Variants in DGKD observed in about 807,000 individuals in gnomAD.
The protein encoded by DGKD is DAG kinase delta.
Under a neutral mutation model 154.4 loss-of-function variants are expected in DGKD, and 68 were observed. The observed-to-expected ratio is 0.44, with a 90% CI of 0.36 to 0.54. DGKD has a LOEUF of 0.54. DGKD is among the 20% of genes least tolerant of loss of function. The pLI, the probability that DGKD is intolerant of heterozygous loss-of-function variation, is 0.00. For synonymous variants in DGKD, 693 were observed against 638.0 expected (o/e 1.09, Z -1.30); for missense variants, 1,343 against 1,593.6 (o/e 0.84, Z 2.68).
At position 233,464,146 on chromosome 2, in the gene DGKD, T is replaced by A. The variant is rs915791081; in HGVS notation, c.3187-18T>A. 3 of 1,612,938 alleles carry A rather than the reference T, an allele frequency of 1.9e-6. No individual in the cohort carries two copies. The highest frequency in any genetic ancestry group is 2.5e-6 in the Non-Finnish European group (3 of 1,179,984). On this transcript the variant is annotated intron_variant, in intron 26 of 29. Coordinates refer to ENST00000264057, the MANE Select transcript of DGKD (RefSeq NM_152879.3). ...TGCACACTCTCCATTTCTCTCTCCCTCCCTCCGCCTGGAGCAGCAGCTGGA... is the reference window on the plus strand; with the variant it reads ...TGCACACTCTCCATTTCTCTCTCCCACCCTCCGCCTGGAGCAGCAGCTGGA...
At chr2:233,397,114 C>G (rs1224828352) in intron 3 of DGKD, among the ~76,000 whole-genome samples, 1 of 72,442 alleles carries the variant, frequency 1.4e-5, no homozygotes, top group African/African-American at 4.4e-5. Flanking sequence ...GGGTGGCTGG[C>G]AGAGGCCAGA....
At chr2:233,467,001 C>A in intron 27 of DGKD, 85 bp from the exon 28 acceptor site, 2 of 1,088,736 alleles carry the variant, frequency 1.8e-6, no homozygotes, top group Non-Finnish European at 2.8e-6. Context: ...GCCCTGCCTG[C>A]CCTCCCAGCC....
At chr2:233,461,338 C>T (rs2063634613) in intron 24 of DGKD, among the ~76,000 whole-genome samples, 1 of 152,252 alleles carries the variant, frequency 6.6e-6, no homozygotes, top group South Asian at 2.1e-4. Context: ...GCCCGGCATG[C>T]CGTGTGCCCT....
rs139376597 is a variant in DGKD, at chr2:233,362,432, C to T, written c.156+7758C>T. Among the ~76,000 whole-genome samples the T allele has an allele frequency of 8.9e-4, 135 of 152,284 alleles. 4 individuals carry two copies. The highest frequency in any genetic ancestry group is 1.5e-5 in the Non-Finnish European group (1 of 68,034). On this transcript the variant is annotated intron_variant, in intron 1 of 29. Transcript: ENST00000264057. ...TTTGGATGCTGAGGTGGGCGGATCA[C>T]CTGAGGTTAGGAGTTCAAGACCAGC...
At chr2:233,394,734 C>G (rs1703896125) in intron 3 of DGKD, among the ~76,000 whole-genome samples, 2 of 85,992 alleles carry the variant, frequency 2.3e-5, no homozygotes, top group African/African-American at 8.7e-5. Context: ...TAGAGATAGG[C>G]TCTTGCTGTG....
At chr2:233,450,171 C>G (rs1236497846) in intron 16 of DGKD, 40 bp downstream of exon 16, 2 of 1,564,334 alleles carry the variant, frequency 1.3e-6, no homozygotes, top group African/African-American at 2.7e-5. Flanking sequence ...CCGTCGTGTG[C>G]TTGGTTTTGG....
intron 10 of DGKD, 145 bp downstream of exon 10, chr2:233,442,140 T>C (rs2062916560): frequency 1.2e-6 from 1 of 819,376 alleles, no homozygotes; most frequent in African/African-American, 1.7e-5. Flanking sequence ...TGCAGTTTGG[T>C]GGCCAGGGCA....
intron 6 of DGKD, 124 bp downstream of exon 6, chr2:233,436,048 G>A: frequency 1.8e-6 from 2 of 1,119,458 alleles, no homozygotes; most frequent in South Asian, 1.5e-5. Context: ...CTGGCATTGG[G>A]TGGCACAGTG....
chr2:233,442,818 A>T (rs1047991152), intron 10 of DGKD, among the ~76,000 whole-genome samples: 4 of 152,094 alleles, frequency 2.6e-5, no homozygotes, highest in Non-Finnish European at 5.9e-5. Flanking sequence ...GTTGGCCAGG[A>T]TGGTCTCGAT....
intron 1 of DGKD, among the ~76,000 whole-genome samples, chr2:233,368,430 T>C (rs1020739781): frequency 6.6e-6 from 1 of 152,114 alleles, no homozygotes; most frequent in Admixed American, 6.5e-5. Flanking sequence ...GAGAATCGCA[T>C]GAACCCAGGA....
intron 10 of DGKD, among the ~76,000 whole-genome samples, chr2:233,444,780 C>T (rs938318030): frequency 2.0e-5 from 3 of 151,486 alleles, no homozygotes; most frequent in Non-Finnish European, 4.4e-5. Flanking sequence ...AGCATGGTCA[C>T]CTCCACCTGG....
At chr2:233,361,244 C>G (rs1027070254) in intron 1 of DGKD, among the ~76,000 whole-genome samples, 1 of 152,174 alleles carries the variant, frequency 6.6e-6, no homozygotes, top group Non-Finnish European at 1.5e-5. Context: ...TGCGCAGGAG[C>G]CAGAAGTATT....
At chr2:233,383,828 A>G (rs1703022966) in intron 1 of DGKD, among the ~76,000 whole-genome samples, 1 of 152,216 alleles carries the variant, frequency 6.6e-6, no homozygotes, top group Non-Finnish European at 1.5e-5. Context: ...AGGATAGTTG[A>G]GGACATAAGC....
chr2:233,375,566 G>A (rs1237799293), intron 1 of DGKD, among the ~76,000 whole-genome samples: 1 of 152,134 alleles, frequency 6.6e-6, no homozygotes, highest in Non-Finnish European at 1.5e-5. Flanking sequence ...TTGTTCTCAG[G>A]TGCTTTTCTG....
intron 1 of DGKD, among the ~76,000 whole-genome samples, chr2:233,375,163 C>T (rs1270461761): frequency 1.3e-5 from 2 of 152,150 alleles, no homozygotes; most frequent in Non-Finnish European, 2.9e-5. Flanking sequence ...TGATGGCACA[C>T]GCCCGTAGTC....
At chr2:233,388,403 T>G (rs932875014) in intron 2 of DGKD, 36 bp downstream of exon 2, 1 of 1,580,788 alleles carries the variant, frequency 6.3e-7, no homozygotes, top group Non-Finnish European at 8.6e-7. Flanking sequence ...CGCGAGGACA[T>G]CACAGGAGCC....
At position 233,445,617 on chromosome 2, in the gene DGKD, C is replaced by A; in HGVS notation, c.1195-6C>A. The A allele has an allele frequency of 6.2e-7, 1 of 1,603,416 alleles. No homozygotes were observed. The highest frequency in any genetic ancestry group is 1.1e-5 in the South Asian group (1 of 89,354). On this transcript the variant is annotated splice_polypyrimidine_tract_variant and splice_region_variant and intron_variant, in intron 10 of 29. Transcript: ENST00000264057. The surrounding 1 kb of genome is among the most constrained non-coding windows in gnomAD (Gnocchi z 5.5). Reference sequence around the variant, plus strand: ...TGCCTGCGCATCGTCCCCCATGTTTCCTTAGTGTCAGCTGGGAGTGCTGCC... The same window carrying A: ...TGCCTGCGCATCGTCCCCCATGTTTACTTAGTGTCAGCTGGGAGTGCTGCC...
chr2:233,413,960 G>T (rs2061894219), intron 3 of DGKD, among the ~76,000 whole-genome samples: 1 of 152,222 alleles, frequency 6.6e-6, no homozygotes, highest in South Asian at 2.1e-4. Context: ...GAAAGCCATT[G>T]TAAGCTTGGT....
In DGKD at chr2:233,354,913, TGGGCGCCCC is replaced by T. The variant is rs1470604194; in HGVS notation, c.156+247_156+255del. On this transcript the variant is annotated intron_variant, in intron 1 of 29. Coordinates refer to ENST00000264057, the MANE Select transcript of DGKD (RefSeq NM_152879.3). The surrounding 1 kb of genome is among the most constrained non-coding windows in gnomAD (Gnocchi z 4.8). ...TGGGGCCGGGCGGGGGGCGCGCAGG[TGGGCGCCCC>T]GGGCGCCGCGCGCTGGGCGGGGGGC... Among the ~76,000 whole-genome samples, 4 of 143,692 alleles carry T rather than the reference TGGGCGCCCC, an allele frequency of 2.8e-5. No individual in the cohort carries two copies. Among genetic ancestry groups the T allele is most frequent in the African/African-American group, 1.0e-4 (4 of 39,652 alleles). 94.3% of individuals were successfully genotyped at this position (143,692 alleles called of 152,430 possible).
Sources: gnomAD v4.1 joint callset for allele counts (sites outside exome capture counted in the v4.1 genomes callset) on GRCh38, gnomAD v4.1.1 for gene constraint, Gnocchi (gnomAD v3.1) non-coding constraint, MANE v1.5 for transcripts, NCBI Gene and HGNC (gene_info 2026-07-23, HGNC 2026-07-21) for gene names.